G6PD: variants seen among roughly 807,000 people sequenced by gnomAD.
G6PD encodes glucose-6-phosphate 1-dehydrogenase.
A neutral mutation model predicts 38.2 loss-of-function variants in G6PD; 2 were observed. That is an observed-to-expected ratio of 0.05 (90% CI 0.02 to 0.16). The LOEUF (loss-of-function observed/expected upper bound fraction) is 0.16. Ranked by LOEUF, G6PD falls within the 10% of genes least tolerant of loss-of-function variation. G6PD has a pLI of 1.00. For synonymous variants in G6PD, 188 were observed against 196.0 expected (o/e 0.96, Z 0.34); for missense variants, 310 against 471.6 (o/e 0.66, Z 3.17).
In G6PD at chrX:154,532,292, T is replaced by C. The variant is rs782086185; in HGVS notation, c.1365-12A>G. On this transcript the variant is annotated splice_polypyrimidine_tract_variant and intron_variant, in intron 11 of 12. Transcript: ENST00000393562. ...CACGGAGCTCGTCGCTGAGGGGACA[T>C]GGTATGGCTTGGGAGGCCGGTGGCA... 7 of 1,209,895 alleles carry C rather than the reference T, an allele frequency of 5.8e-6. No homozygotes were observed. The highest frequency in any genetic ancestry group is 5.9e-5 in the East Asian group (2 of 33,796).
At chrX:154,536,755 G>A (rs782157961) in intron 2 of G6PD, among the ~76,000 whole-genome samples, 6 of 111,507 alleles carry the variant, frequency 5.4e-5, no homozygotes, top group East Asian at 5.6e-4. Context: ...ACTTGAATCC[G>A]GGAGGCAGAG....
chrX:154,542,453 G>C, intron 2 of G6PD: 1 of 1,176,561 alleles, frequency 8.5e-7, no homozygotes, highest in Non-Finnish European at 1.1e-6. Flanking sequence ...GAAGGGGGCA[G>C]TAAGTACCTC....
At chrX:154,533,694 C>T (rs183160094) in intron 7 of G6PD, 25 bp from the exon 8 acceptor site, 21 of 1,209,314 alleles carry the variant, frequency 1.7e-5, no homozygotes, top group East Asian at 8.9e-5. Context: ...GGCCAGAGCT[C>T]GCCTTAGCTC....
chrX:154,535,903 G>A (rs368513343), intron 4 of G6PD, 34 bp downstream of exon 4: 7 of 1,144,216 alleles, frequency 6.1e-6, no homozygotes, highest in Non-Finnish European at 7.2e-6. Flanking sequence ...AGAGAGGGCA[G>A]AACCAGGCTG....
rs1431175177 is a variant in G6PD, at chrX:154,546,247, G to A, written c.-8-84C>T. ...CCCCTTTCTTGAGAGTTCCTCTGGG[G>A]TCTCACACCAGGGTGACACCTGATT... On this transcript the variant is annotated intron_variant, in intron 1 of 12. Transcript: ENST00000393562. 7.9e-6 allele frequency: 9 copies of A among 1,134,886 alleles called. No homozygotes were observed. In the Admixed American group the frequency reaches 1.5e-4, roughly 19 times the overall value. 93.5% of individuals were successfully genotyped at this position (1,134,886 alleles called of 1,213,427 possible). A position where few individuals can be genotyped will look rare whatever the true frequency, so the allele number is the denominator to read the frequency against.
intron 2 of G6PD, among the ~76,000 whole-genome samples, chrX:154,542,943 G>C (rs1218887198): frequency 8.9e-6 from 1 of 112,172 alleles, no homozygotes; most frequent in Admixed American, 9.4e-5. Flanking sequence ...CTGTGGCCCA[G>C]AAGTACCCAA....
rs137852321 is a variant in G6PD at position 154,532,694 on chromosome X, C to T, written c.1160G>A (p.Arg387His). Residue 387 changes from arginine to histidine, a missense_variant, in exon 10 of 13, where the codon CGC (arginine) becomes CAC (histidine). Transcript: ENST00000393562. ...CTGCACGCGGATCACCAGCTCGTTG[C>T]GCTTGCACTGCTGGTGGAAGATGTC... ...AGDIFHQQCK[R>H]NELVIRVQPN... The T allele has an allele frequency of 8.2e-7, 1 of 1,212,147 alleles. No individual in the cohort carries two copies. Among genetic ancestry groups the T allele is most frequent in the Non-Finnish European group, 1.1e-6 (1 of 895,463 alleles).
rs2070335334 is a variant in G6PD, at chrX:154,531,588, G to A, written c.*412C>T. On this transcript the variant is annotated 3_prime_UTR_variant, in exon 13 of 13. Coordinates refer to ENST00000393562, the MANE Select transcript of G6PD (RefSeq NM_001360016.2). ...AATGTCAAGTGGCACTGAGGCTGGC[G>A]GGCAAGGCCACAGGCAGATTCTCTC... is the stretch of plus-strand genomic sequence containing the variant. 2 of 211,737 alleles carry A rather than the reference G, an allele frequency of 9.4e-6. No homozygotes were observed. Among genetic ancestry groups the A allele is most frequent in the East Asian group, 1.1e-4 (1 of 9,307 alleles). 17.4% of individuals were successfully genotyped at this position (211,737 alleles called of 1,213,427 possible). A position where few individuals can be genotyped will look rare whatever the true frequency, so the allele number is the denominator to read the frequency against.
At chrX:154,533,789 C>G (rs2070371939) in intron 7 of G6PD, 120 bp from the exon 8 acceptor site, 1 of 1,179,400 alleles carries the variant, frequency 8.5e-7, no homozygotes, top group Admixed American at 2.5e-5. Flanking sequence ...TTCCTGATCC[C>G]CCTTGTCTTC....
Position 154,533,599 on chromosome X carries a change from A to C in G6PD, c.841T>G (p.Ser281Ala). ...VAMEKPASTNSDDVRDEKVKV... is the reference protein window; with the variant it reads ...VAMEKPASTNADDVRDEKVKV... ...ACCTTCTCATCACGGACGTCATCTG[A>C]GTTGGTGGAGGCGGGCTTCTCCATG... Residue 281 changes from serine (S) to alanine (A), a missense_variant, in exon 8 of 13, where the codon TCA becomes GCA. By Grantham distance (99) the Ser-to-Ala change is moderately conservative. This residue lies in a region of G6PD where 168 missense variants were observed against 309.2 expected (regional missense o/e 0.54). Coordinates refer to ENST00000393562, the MANE Select transcript of G6PD (RefSeq NM_001360016.2). 8.3e-7 allele frequency: 1 copy of C among 1,211,834 alleles called. No individual in the cohort carries two copies. Among genetic ancestry groups the C allele is most frequent in the Non-Finnish European group, 1.1e-6 (1 of 895,459 alleles).
intron 2 of G6PD, among the ~76,000 whole-genome samples, chrX:154,538,297 C>A (rs1221379793): frequency 9.0e-6 from 1 of 111,681 alleles, no homozygotes; most frequent in African/African-American, 3.3e-5. Flanking sequence ...GACCCACTGA[C>A]CCTGTCTCTT....
upstream of G6PD, chrX:154,547,304 C>T: frequency 1.3e-6 from 1 of 751,524 alleles, no homozygotes; most frequent in African/African-American, 2.3e-5. Context: ...GGAACCCTCG[C>T]CTGTTCGCGG....
rs1488947883 is a variant in G6PD, at chrX:154,532,779, C to T, written c.1075G>A (p.Gly359Ser). 8.3e-7 allele frequency: 1 copy of T among 1,207,637 alleles called. No homozygotes were observed. Among genetic ancestry groups the T allele is most frequent in the Non-Finnish European group, 1.1e-6 (1 of 893,828 alleles). Residue 359 changes from glycine (G) to serine (S), a missense_variant, in exon 10 of 13, where the codon GGC (glycine) becomes AGC (serine). By Grantham distance (56) the Gly-to-Ser change is moderately conservative. Around this residue, in one of 4 missense-constraint regions of G6PD, gnomAD observed 168 missense variants for 309.2 expected, o/e 0.54. Coordinates refer to ENST00000393562, the MANE Select transcript of G6PD (RefSeq NM_001360016.2). ...WDGVPFILRC[G>S]KALNERKAEV... ...GCCTTGCGCTCGTTCAGGGCCTTGC[C>T]GCAGCGCAGGATGAAGGGCACCCCT...
At chrX:154,545,609 CG>C (rs1196368437) in intron 2 of G6PD, 1 of 162,745 alleles carries the variant, frequency 6.1e-6, no homozygotes, top group African/African-American at 3.2e-5. Context: ...CCGAGGCGGG[CG>C]GATCACTTGA....
At position 154,532,449 on chromosome X, in the gene G6PD, G is replaced by A; in HGVS notation, c.1301C>T (p.Pro434Leu). The change falls in exon 11 of 13, where the codon CCT becomes CTT. Residue 434 changes from proline to leucine, a missense_variant. Around this residue, in one of 4 missense-constraint regions of G6PD, gnomAD observed 168 missense variants for 309.2 expected, o/e 0.54. Transcript: ENST00000393562. ...YGNRYKNVKL[P>L]DAYERLILDV... ...CAGGATGAGGCGCTCATAGGCGTCAGGGAGCTTCACGTTCTGTGAGGGAGA... is the reference window on the plus strand; with the variant it reads ...CAGGATGAGGCGCTCATAGGCGTCAAGGAGCTTCACGTTCTGTGAGGGAGA... 8.3e-7 allele frequency: 1 copy of A among 1,211,497 alleles called. No individual in the cohort carries two copies. The highest frequency in any genetic ancestry group is 1.1e-6 in the Non-Finnish European group (1 of 895,357).
intron 2 of G6PD, chrX:154,542,348 C>T (rs782763580): frequency 5.8e-6 from 7 of 1,202,076 alleles, no homozygotes; most frequent in South Asian, 1.8e-5. Context: ...CTTCCCCTCA[C>T]TCCCTGTGAA....
At chrX:154,545,068 C>T (rs1266347766) in intron 2 of G6PD, among the ~76,000 whole-genome samples, 1 of 111,727 alleles carries the variant, frequency 9.0e-6, no homozygotes, top group East Asian at 2.8e-4. Context: ...GCCCTTGTTC[C>T]ACCAGCCCCT....
rs73573488 is a variant in G6PD, at chrX:154,542,910, A to G, written c.120+3126T>C. Among the ~76,000 whole-genome samples the G allele has an allele frequency of 0.095, 10,596 of 111,899 alleles. 1,252 individuals carry two copies. Among genetic ancestry groups the G allele is most frequent in the African/African-American group, 0.33 (10,016 of 30,565 alleles). Reference sequence around the variant, plus strand: ...CTGGCCGCAATAGCACATAGGTCCCATGAGGAGGGCAGGGACTGGCTGCTG... The same window carrying G: ...CTGGCCGCAATAGCACATAGGTCCCGTGAGGAGGGCAGGGACTGGCTGCTG... On this transcript the variant is annotated intron_variant, in intron 2 of 12. Coordinates refer to ENST00000393562, the MANE Select transcript of G6PD (RefSeq NM_001360016.2).
chrX:154,536,329 C>T, intron 2 of G6PD, 151 bp from the exon 3 acceptor site: 1 of 530,197 alleles, frequency 1.9e-6, no homozygotes, highest in East Asian at 3.6e-5. Flanking sequence ...CAGAAGAGCC[C>T]CGAGATTCAA....
Sources: gnomAD v4.1 joint callset for allele counts (sites outside exome capture counted in the v4.1 genomes callset) on GRCh38, gnomAD v4.1.1 for gene constraint, gnomAD v4.1.1 regional missense constraint, MANE v1.5 for transcripts, NCBI Gene and HGNC (gene_info 2026-07-23, HGNC 2026-07-21) for gene names.